The following RBFOX1 variants were observed in gnomAD, a reference collection of about 807,000 sequenced individuals.
RBFOX1 encodes RNA binding protein fox-1 homolog 1.
A neutral mutation model predicts 57.7 loss-of-function variants in RBFOX1; 8 were observed. The ratio of observed to expected loss-of-function variants is 0.14; its 90% confidence interval spans 0.08 to 0.25. The LOEUF is 0.25. Ranked by LOEUF, RBFOX1 falls within the 10% of genes least tolerant of loss-of-function variation. The pLI is 1.00. For missense variants in RBFOX1, 611 were observed against 548.5 expected, an observed-to-expected ratio of 1.11 and a Z score of -1.14; for synonymous variants, 326 against 222.4, an observed-to-expected ratio of 1.47 and a Z score of -4.15.
chr16:5,444,358 G>C (rs2068177118), intron 1 of RBFOX1, among the ~76,000 whole-genome samples: 1 of 152,188 alleles, frequency 6.6e-6, no homozygotes, highest in Non-Finnish European at 1.5e-5. Context: ...ATTTCACCCA[G>C]TTCCTTTGGC....
rs547637840 is a variant in RBFOX1, at chr16:7,359,719, T to G, written c.28-158428T>G. Among the ~76,000 whole-genome samples the G allele has an allele frequency of 3.3e-5, 5 of 152,306 alleles. No individual in the cohort carries two copies. The East Asian group carries it at 7.7e-4, about 24-fold the overall frequency. Reference sequence around the variant, plus strand: ...ACCACTCTGGACCTGGCATGGTGGCTTACCCCTGTAATCCCAGCACTTTGG... The same window carrying G: ...ACCACTCTGGACCTGGCATGGTGGCGTACCCCTGTAATCCCAGCACTTTGG... On this transcript the variant is annotated intron_variant, in intron 4 of 15. Transcript: ENST00000550418.
chr16:6,948,086 T>C (rs959947394), intron 3 of RBFOX1, among the ~76,000 whole-genome samples: 2 of 152,088 alleles, frequency 1.3e-5, no homozygotes, highest in African/African-American at 4.8e-5. Flanking sequence ...GGCCTACATA[T>C]TCTCATTTTC....
At chr16:5,290,225 G>C (rs574962547) in intron 1 of RBFOX1, among the ~76,000 whole-genome samples, 1 of 152,180 alleles carries the variant, frequency 6.6e-6, no homozygotes, top group South Asian at 2.1e-4. Flanking sequence ...AGCTTGGTGT[G>C]GTGGCAGACG....
intron 4 of RBFOX1, among the ~76,000 whole-genome samples, chr16:7,081,331 G>A (rs1417655348): frequency 2.6e-5 from 4 of 152,138 alleles, no homozygotes; most frequent in South Asian, 2.1e-4. Context: ...CACCACGCCC[G>A]GCCCACACTG....
At chr16:6,895,533 C>G (rs921015371) in intron 3 of RBFOX1, among the ~76,000 whole-genome samples, 1 of 145,770 alleles carries the variant, frequency 6.9e-6, no homozygotes, top group South Asian at 2.2e-4. Flanking sequence ...CTCATGACCT[C>G]TACAAGGCAG....
intron 4 of RBFOX1, among the ~76,000 whole-genome samples, chr16:7,441,287 A>G (rs1438213714): frequency 6.6e-6 from 1 of 152,228 alleles, no homozygotes; most frequent in Non-Finnish European, 1.5e-5. Flanking sequence ...AGGCCTTGGC[A>G]GTGGTGGAGC....
At chr16:6,641,024 A>G (rs989827500) in intron 2 of RBFOX1, among the ~76,000 whole-genome samples, 2 of 152,162 alleles carry the variant, frequency 1.3e-5, no homozygotes, top group African/African-American at 4.8e-5. Flanking sequence ...ATCTGACTTG[A>G]TGGGCGTAAA....
chr16:6,795,151 T>C lies in RBFOX1; in HGVS notation c.-16+140501T>C, dbSNP rs575440042. 2.6e-5 allele frequency among the ~76,000 whole-genome samples: 4 copies of C among 152,326 alleles called. No homozygotes were observed. The East Asian group carries it at 5.8e-4, about 22-fold the overall frequency. Reference sequence around the variant, plus strand: ...CAGAAAGCCAAGTTCTGTTGATTCATAGTAAGGACCAGATATTTCATAGTG... The same window carrying C: ...CAGAAAGCCAAGTTCTGTTGATTCACAGTAAGGACCAGATATTTCATAGTG... On this transcript the variant is annotated intron_variant, in intron 3 of 15. Coordinates refer to ENST00000550418, the MANE Select transcript of RBFOX1 (RefSeq NM_018723.4).
In RBFOX1 at chr16:6,627,149, C is replaced by T. The variant is rs143205652; in HGVS notation, c.-63-27454C>T. On this transcript the variant is annotated intron_variant, in intron 2 of 15. Transcript: ENST00000550418. ...AAAGCTGAAATTAGCATTCTGTCAT[C>T]CAACCCGCATTACTCCTACAACCAT... Among the ~76,000 whole-genome samples the T allele has an allele frequency of 2.6e-5, 4 of 152,174 alleles. No individual in the cohort carries two copies. The South Asian group carries it at 8.3e-4, about 32-fold the overall frequency.
intron 4 of RBFOX1, among the ~76,000 whole-genome samples, chr16:5,907,767 T>TCA (rs1567133017): frequency 6.7e-5 from 9 of 134,236 alleles, no homozygotes; most frequent in African/African-American, 3.3e-4. Flanking sequence ...CATCATCATT[T>TCA]GAGATGGCAT....
intron 3 of RBFOX1, among the ~76,000 whole-genome samples, chr16:5,654,060 T>G (rs1480917034): frequency 6.6e-6 from 1 of 152,214 alleles, no homozygotes; most frequent in Non-Finnish European, 1.5e-5. Flanking sequence ...GTTCCATCCC[T>G]GCCTGTAGTG....
At chr16:7,511,701 C>T (rs937217092) in intron 4 of RBFOX1, among the ~76,000 whole-genome samples, 9 of 152,016 alleles carry the variant, frequency 5.9e-5, no homozygotes, top group Admixed American at 2.0e-4. Flanking sequence ...GAAAGCTACA[C>T]GTTGGGGTGT....
At chr16:6,760,647 A>G (rs569072586) in intron 3 of RBFOX1, among the ~76,000 whole-genome samples, 14 of 152,338 alleles carry the variant, frequency 9.2e-5, no homozygotes, top group Admixed American at 7.8e-4. Context: ...AAATAAAAGC[A>G]TATACTGGAG....
intron 1 of RBFOX1, among the ~76,000 whole-genome samples, chr16:6,269,985 A>G (rs1338777750): frequency 3.3e-5 from 5 of 152,146 alleles, no homozygotes; most frequent in African/African-American, 1.2e-4. Context: ...AGATTTCCAC[A>G]CTTCATTCAA....
chr16:5,497,083 C>T (rs1192259050), intron 2 of RBFOX1, among the ~76,000 whole-genome samples: 1 of 152,116 alleles, frequency 6.6e-6, no homozygotes, highest in African/African-American at 2.4e-5. Flanking sequence ...TGCTCCTTCT[C>T]ATATGAAATA....
At chr16:5,602,937 A>G (rs909031839), downstream of RBFOX1, among the ~76,000 whole-genome samples, 6 of 152,170 alleles carry the variant, frequency 3.9e-5, no homozygotes, top group Non-Finnish European at 7.3e-5. Flanking sequence ...TTTCATTCTC[A>G]GTTGTCATGG....
At chr16:5,331,421 T>G (rs2064753646) in intron 1 of RBFOX1, among the ~76,000 whole-genome samples, 1 of 152,244 alleles carries the variant, frequency 6.6e-6, no homozygotes. Flanking sequence ...TTCATGTGTC[T>G]GGAGGTCAGG....
chr16:7,639,678 ACTTATTCACTGTTAG>A (rs1276457808), intron 11 of RBFOX1, among the ~76,000 whole-genome samples: 1 of 152,060 alleles, frequency 6.6e-6, no homozygotes, highest in Admixed American at 6.6e-5. Context: ...CCAACAGGAG[ACTTATTCACTGTTAG>A]CACTGCCATT....
chr16:7,289,179 T>A (rs922575273), intron 4 of RBFOX1, among the ~76,000 whole-genome samples: 4 of 152,094 alleles, frequency 2.6e-5, no homozygotes, highest in African/African-American at 9.7e-5. Context: ...AGGGTGATGA[T>A]GGGTATTACA....
Sources: gnomAD v4.1 joint callset for allele counts (sites outside exome capture counted in the v4.1 genomes callset) on GRCh38, gnomAD v4.1.1 for gene constraint, MANE v1.5 for transcripts, NCBI Gene and HGNC (gene_info 2026-07-23, HGNC 2026-07-21) for gene names.